SYN3: variants seen among roughly 807,000 people sequenced by gnomAD.
SYN3 encodes the protein synapsin-3.
Under a neutral mutation model 65.8 loss-of-function variants are expected in SYN3, and 35 were observed. The observed-to-expected ratio is 0.53, with a 90% CI of 0.41 to 0.70. SYN3 has a LOEUF of 0.70. Among genes scored for constraint, SYN3 ranks in the 30% least tolerant of loss-of-function variants. The pLI, the probability that SYN3 is intolerant of heterozygous loss-of-function variation, is 0.00. For synonymous variants in SYN3, 270 were observed against 292.9 expected (o/e 0.92, Z 0.80); for missense variants, 680 against 749.0 (o/e 0.91, Z 1.08).
chr22:32,520,863 G>C (rs1233584888), intron 12 of SYN3, among the ~76,000 whole-genome samples: 2 of 152,102 alleles, frequency 1.3e-5, no homozygotes, highest in African/African-American at 4.8e-5. Context: ...TGTGACCGTG[G>C]GTAAGTCACT....
chr22:32,564,556 T>C lies in SYN3; in HGVS notation c.775-22843A>G, dbSNP rs180815503. ...CTGCACCCAAACAATGCTCCCGGACTGTACACAAACAGTGTCCCAGACTGC... is the reference window on the plus strand; with the variant it reads ...CTGCACCCAAACAATGCTCCCGGACCGTACACAAACAGTGTCCCAGACTGC... On this transcript the variant is annotated intron_variant, in intron 7 of 13. Transcript: ENST00000358763. Among the ~76,000 whole-genome samples the C allele has an allele frequency of 4.3e-4, 66 of 152,232 alleles. No homozygotes were observed. In the East Asian group the frequency reaches 9.7e-3, roughly 22 times the overall value.
chr22:32,600,275 C>A (rs183408948), intron 6 of SYN3, among the ~76,000 whole-genome samples: 5 of 152,266 alleles, frequency 3.3e-5, no homozygotes, highest in African/African-American at 7.2e-5. Flanking sequence ...TCCTCGAATG[C>A]GCAATTCACG....
At chr22:32,935,444 T>C (rs1263052719) in intron 3 of SYN3, among the ~76,000 whole-genome samples, 2 of 145,874 alleles carry the variant, frequency 1.4e-5, no homozygotes, top group African/African-American at 2.6e-5. Context: ...GCTTTTGGTA[T>C]GGTATTTTTT....
Position 32,678,583 on chromosome 22 carries a change from CCTCCTTCTT to C in SYN3, c.712-81856_712-81848del, listed in dbSNP as rs967121445. Among the ~76,000 whole-genome samples, 497 of 151,494 alleles carry C rather than the reference CCTCCTTCTT, an allele frequency of 3.3e-3. 1 individual carries two copies. Among genetic ancestry groups the C allele is most frequent in the African/African-American group, 0.011 (445 of 41,304 alleles). On this transcript the variant is annotated intron_variant, in intron 6 of 13. Transcript: ENST00000358763. Reference sequence around the variant, plus strand: ...TCCTCCTCCTTCCTCCTCCTCTCCTCCTCCTTCTTCTCCTTCTTCTCCTTCTTTCTTCCT... The same window carrying C: ...TCCTCCTCCTTCCTCCTCCTCTCCTCCTCCTTCTTCTCCTTCTTTCTTCCT...
intron 2 of SYN3, among the ~76,000 whole-genome samples, chr22:33,005,970 C>T (rs2053185006): frequency 6.6e-6 from 1 of 152,162 alleles, no homozygotes; most frequent in African/African-American, 2.4e-5. Context: ...CCATATCAAA[C>T]ACATTCAGAT....
chr22:32,875,952 G>GT (rs746284480), intron 4 of SYN3, among the ~76,000 whole-genome samples: 2 of 152,174 alleles, frequency 1.3e-5, no homozygotes, highest in Non-Finnish European at 2.9e-5. Flanking sequence ...CCCTTTTCCA[G>GT]TATCTTTCAG....
intron 4 of SYN3, among the ~76,000 whole-genome samples, chr22:32,914,207 C>A (rs1171139853): frequency 6.6e-6 from 1 of 152,152 alleles, no homozygotes; most frequent in Non-Finnish European, 1.5e-5. Context: ...ATGGGATGAG[C>A]ATGCTTAGAA....
chr22:32,915,277 T>TA (rs1319859904), intron 4 of SYN3, among the ~76,000 whole-genome samples: 2 of 152,076 alleles, frequency 1.3e-5, no homozygotes, highest in East Asian at 3.9e-4. Flanking sequence ...ATAATAATAA[T>TA]AAAAAAAGAA....
intron 4 of SYN3, among the ~76,000 whole-genome samples, chr22:32,925,083 C>A (rs1338166482): frequency 6.6e-6 from 1 of 151,786 alleles, no homozygotes; most frequent in Admixed American, 6.6e-5. Context: ...CAGAGAGAGA[C>A]CCTGTCTCAA....
At chr22:32,989,781 G>C (rs894416817) in intron 2 of SYN3, among the ~76,000 whole-genome samples, 1 of 137,552 alleles carries the variant, frequency 7.3e-6, no homozygotes, top group Non-Finnish European at 1.6e-5. Context: ...GTTGCAGTGA[G>C]CCAAGATCAA....
chr22:33,024,665 G>T (rs1411964884), intron 1 of SYN3, among the ~76,000 whole-genome samples: 1 of 152,210 alleles, frequency 6.6e-6, no homozygotes, highest in Non-Finnish European at 1.5e-5. Context: ...CTCTAGCTAT[G>T]TTGGGTTTGT....
chr22:32,565,600 T>A (rs561809313), intron 7 of SYN3, among the ~76,000 whole-genome samples: 2 of 150,874 alleles, frequency 1.3e-5, no homozygotes, highest in East Asian at 3.9e-4. Flanking sequence ...CACTGCAGCC[T>A]GGAACTCCTG....
intron 3 of SYN3, among the ~76,000 whole-genome samples, chr22:32,960,961 T>C (rs2051630027): frequency 6.6e-6 from 1 of 152,086 alleles, no homozygotes; most frequent in Non-Finnish European, 1.5e-5. Flanking sequence ...TTCTCCAGAG[T>C]GAAGCCCACA....
intron 1 of SYN3, among the ~76,000 whole-genome samples, chr22:33,038,529 T>C (rs2053902145): frequency 6.6e-6 from 1 of 152,122 alleles, no homozygotes; most frequent in Non-Finnish European, 1.5e-5. Context: ...CAGACCTGCT[T>C]AGGGACACAA....
chr22:32,523,969 G>A (rs1044159947), intron 12 of SYN3, among the ~76,000 whole-genome samples: 5 of 152,342 alleles, frequency 3.3e-5, no homozygotes, highest in South Asian at 2.1e-4. Flanking sequence ...CAAACCAGAC[G>A]CAACATTGCC....
chr22:32,903,416 T>C (rs889195591), intron 4 of SYN3, among the ~76,000 whole-genome samples: 2 of 152,186 alleles, frequency 1.3e-5, no homozygotes, highest in African/African-American at 4.8e-5. Context: ...CACCTACTTA[T>C]ATATAGTACA....
At chr22:32,845,929 A>T (rs763659350) in intron 6 of SYN3, among the ~76,000 whole-genome samples, 28 of 152,222 alleles carry the variant, frequency 1.8e-4, no homozygotes, top group Non-Finnish European at 3.5e-4. Context: ...CACACATTTG[A>T]ATTACAGAGG....
chr22:32,733,969 G>A (rs989193630), intron 6 of SYN3, among the ~76,000 whole-genome samples: 1 of 66 alleles, frequency 0.015, no homozygotes, highest in African/African-American at 0.083. Context: ...AGGACCAAAA[G>A]CCAGGCTGAG....
At chr22:32,967,595 C>A (rs1455029858) in intron 3 of SYN3, among the ~76,000 whole-genome samples, 1 of 152,226 alleles carries the variant, frequency 6.6e-6, no homozygotes, top group Non-Finnish European at 1.5e-5. Context: ...AACAGCCAGA[C>A]AGATTTTTGC....
Sources: allele counts gnomAD v4.1 joint callset (sites outside exome capture counted in the v4.1 genomes callset), GRCh38; gene constraint gnomAD v4.1.1; transcripts MANE v1.5; gene names NCBI Gene and HGNC (gene_info 2026-07-23, HGNC 2026-07-21).